MSI2: variants seen among roughly 807,000 people sequenced by gnomAD.
MSI2 encodes RNA-binding protein Musashi homolog 2.
A neutral mutation model predicts 45.6 loss-of-function variants in MSI2; 17 were observed. The observed-to-expected ratio is 0.37, with a 90% CI of 0.26 to 0.56. The LOEUF is 0.56. MSI2 is among the 20% of genes least tolerant of loss of function. The pLI is 0.77. For missense variants in MSI2, 293 were observed against 444.2 expected (o/e 0.66, Z 3.06); for synonymous variants, 156 against 158.2 (o/e 0.99, Z 0.11).
At chr17:57,546,129 C>A (rs1176040801) in intron 7 of MSI2, among the ~76,000 whole-genome samples, 1 of 152,136 alleles carries the variant, frequency 6.6e-6, no homozygotes, top group Non-Finnish European at 1.5e-5. Context: ...ATACAATCCA[C>A]CACCAAAATG....
chr17:57,301,080 T>C (rs1429993162), intron 5 of MSI2, among the ~76,000 whole-genome samples: 1 of 152,174 alleles, frequency 6.6e-6, no homozygotes. Flanking sequence ...CACGGAGACC[T>C]TCCTTATGTA....
At chr17:57,395,092 G>A (rs1354473333) in intron 5 of MSI2, among the ~76,000 whole-genome samples, 1 of 152,126 alleles carries the variant, frequency 6.6e-6, no homozygotes, top group Non-Finnish European at 1.5e-5. Context: ...GGTGTTCCTT[G>A]GTTTGCAGGC....
At chr17:57,489,959 G>A (rs768082076) in intron 6 of MSI2, among the ~76,000 whole-genome samples, 2 of 152,198 alleles carry the variant, frequency 1.3e-5, no homozygotes, top group Non-Finnish European at 2.9e-5. Context: ...AGGGTGATTG[G>A]AAAGTCCAGA....
At chr17:57,567,116 G>A (rs552129401) in intron 7 of MSI2, among the ~76,000 whole-genome samples, 6 of 152,254 alleles carry the variant, frequency 3.9e-5, no homozygotes, top group Admixed American at 6.5e-5. Context: ...ATTCTGTCCC[G>A]CAGACAGGCT....
chr17:57,659,358 A>G (rs1179158407), intron 11 of MSI2, among the ~76,000 whole-genome samples: 1 of 152,050 alleles, frequency 6.6e-6, no homozygotes, highest in Non-Finnish European at 1.5e-5. Flanking sequence ...GACCTCCCAA[A>G]ACACTGGAAT....
intron 6 of MSI2, among the ~76,000 whole-genome samples, chr17:57,454,162 C>T (rs1003143688): frequency 1.8e-4 from 27 of 152,286 alleles, no homozygotes; most frequent in African/African-American, 6.5e-4. Context: ...CACATTGGCT[C>T]AGTATGTTAT....
In MSI2 at chr17:57,257,559, C is replaced by G; in HGVS notation, c.185+12C>G. On this transcript the variant is annotated intron_variant, in intron 3 of 13. Transcript: ENST00000284073. ...ACGAAACGCTCCAGGTAAACCATTC[C>G]CTTCTGGATTTTGTCTTTATTTTAG... The G allele has an allele frequency of 6.4e-7, 1 of 1,553,014 alleles. No individual in the cohort carries two copies. Among genetic ancestry groups the G allele is most frequent in the Non-Finnish European group, 8.9e-7 (1 of 1,127,540 alleles).
intron 5 of MSI2, among the ~76,000 whole-genome samples, chr17:57,384,785 G>C (rs1351167199): frequency 6.6e-6 from 1 of 152,052 alleles, no homozygotes; most frequent in Non-Finnish European, 1.5e-5. Context: ...ACTAGATGTT[G>C]GTGAATTTAG....
At chr17:57,655,564 A>T (rs571818943) in intron 11 of MSI2, among the ~76,000 whole-genome samples, 1 of 151,110 alleles carries the variant, frequency 6.6e-6, no homozygotes, top group Non-Finnish European at 1.5e-5. Flanking sequence ...CTTTATTCCA[A>T]TCTAGTAACA....
At chr17:57,376,628 A>G (rs1268744614) in intron 5 of MSI2, among the ~76,000 whole-genome samples, 1 of 152,170 alleles carries the variant, frequency 6.6e-6, no homozygotes, top group Non-Finnish European at 1.5e-5. Context: ...CAGCAGAAAT[A>G]AAAATCCTGA....
chr17:57,360,631 C>T (rs2143897779), intron 5 of MSI2, among the ~76,000 whole-genome samples: 1 of 152,354 alleles, frequency 6.6e-6, no homozygotes, highest in South Asian at 2.1e-4. Flanking sequence ...TAGAACTAGG[C>T]TTTATGCCCA....
At position 57,574,205 on chromosome 17, in the gene MSI2, T is replaced by C. The variant is rs559960220; in HGVS notation, c.455-22663T>C. Among the ~76,000 whole-genome samples, 8 of 152,316 alleles carry C rather than the reference T, an allele frequency of 5.3e-5. No homozygotes were observed. In the South Asian group the frequency reaches 1.4e-3, roughly 28 times the overall value. ...CCGCTGCTCCTCTGGGGAAAGCTAA[T>C]GGCCAAGGCATTACTTAACTCCTGG... On this transcript the variant is annotated intron_variant, in intron 7 of 13. Coordinates refer to ENST00000284073, the MANE Select transcript of MSI2 (RefSeq NM_138962.4).
At chr17:57,506,609 G>C (rs2086234403) in intron 6 of MSI2, among the ~76,000 whole-genome samples, 1 of 152,132 alleles carries the variant, frequency 6.6e-6, no homozygotes, top group Admixed American at 6.5e-5. Flanking sequence ...CTGGCCTTCC[G>C]AGGGAGTAGG....
rs1437590050 is a variant in MSI2 at position 57,392,107 on chromosome 17, C to T, written c.313-9272C>T. On this transcript the variant is annotated intron_variant, in intron 5 of 13. Transcript: ENST00000284073. ...GCTAGCCAGCCACCTCGCTCTGCAG[C>T]GCTTGATGCAGGGATCATGATCCTT... Among the ~76,000 whole-genome samples the T allele has an allele frequency of 5.9e-5, 9 of 152,316 alleles. 1 individual carries two copies. Among genetic ancestry groups the T allele is most frequent in the East Asian group, 5.8e-4 (3 of 5,178 alleles).
At chr17:57,597,221 A>G (rs1373886900) in intron 8 of MSI2, among the ~76,000 whole-genome samples, 1 of 152,122 alleles carries the variant, frequency 6.6e-6, no homozygotes, top group Admixed American at 6.5e-5. Context: ...TCCATAGGCA[A>G]TGCATACATA....
intron 5 of MSI2, among the ~76,000 whole-genome samples, chr17:57,363,860 T>C (rs1382087127): frequency 6.6e-6 from 1 of 152,192 alleles, no homozygotes; most frequent in East Asian, 1.9e-4. Flanking sequence ...GGGGTTAATG[T>C]CTCTCTTAAG....
At chr17:57,644,479 G>T (rs964983960) in intron 10 of MSI2, among the ~76,000 whole-genome samples, 1 of 152,118 alleles carries the variant, frequency 6.6e-6, no homozygotes, top group Non-Finnish European at 1.5e-5. Flanking sequence ...CAGCCCTGTC[G>T]CATCAGGCTG....
At chr17:57,398,612 A>G (rs994964066) in intron 5 of MSI2, among the ~76,000 whole-genome samples, 8 of 152,202 alleles carry the variant, frequency 5.3e-5, no homozygotes, top group Non-Finnish European at 1.2e-4. Context: ...AGATGAGTCT[A>G]GTAACTGACT....
intron 6 of MSI2, among the ~76,000 whole-genome samples, chr17:57,463,111 A>G (rs865802454): frequency 6.6e-6 from 1 of 152,298 alleles, no homozygotes. Context: ...TGGGAGGGAT[A>G]TAGATAGATA....
Sources: gnomAD v4.1 joint callset for allele counts (sites outside exome capture counted in the v4.1 genomes callset) on GRCh38, gnomAD v4.1.1 for gene constraint, MANE v1.5 for transcripts, NCBI Gene and HGNC (gene_info 2026-07-23, HGNC 2026-07-21) for gene names.